Variants in TMEM132B observed in about 807,000 individuals in gnomAD.
TMEM132B encodes the protein transmembrane protein 132B.
In TMEM132B, 18 loss-of-function variants were observed where a neutral mutation model predicts 90.8. The ratio of observed to expected loss-of-function variants is 0.20; its 90% confidence interval spans 0.14 to 0.29. The LOEUF (loss-of-function observed/expected upper bound fraction) is 0.29. TMEM132B is among the 10% of genes least tolerant of loss of function. The pLI, the probability that TMEM132B is intolerant of heterozygous loss-of-function variation, is 1.00. For synonymous variants in TMEM132B, 504 were observed against 523.3 expected (o/e 0.96, Z 0.50); for missense variants, 1,096 against 1,326.8 (o/e 0.83, Z 2.70).
chr12:125,608,580 C>G (rs553444807), intron 5 of TMEM132B, among the ~76,000 whole-genome samples: 1 of 152,230 alleles, frequency 6.6e-6, no homozygotes, highest in South Asian at 2.1e-4. Flanking sequence ...TTGATCAAGT[C>G]TAAATGTAAC....
chr12:125,386,674 G>A (rs1878845622), intron 2 of TMEM132B, among the ~76,000 whole-genome samples: 2 of 152,232 alleles, frequency 1.3e-5, no homozygotes. Flanking sequence ...GCCGTGGGGA[G>A]CTAGAGAGGG....
chr12:125,358,508 GT>G (rs891948839), intron 2 of TMEM132B, among the ~76,000 whole-genome samples: 1 of 151,938 alleles, frequency 6.6e-6, no homozygotes, highest in Non-Finnish European at 1.5e-5. Flanking sequence ...CCTTCATTCT[GT>G]TTTTTTACAC....
At chr12:125,280,367 A>C (rs1875123711) in intron 1 of TMEM132B, among the ~76,000 whole-genome samples, 2 of 152,396 alleles carry the variant, frequency 1.3e-5, no homozygotes, top group South Asian at 4.1e-4. Flanking sequence ...GACAATTAAA[A>C]AAATAAAAAG....
intron 4 of TMEM132B, among the ~76,000 whole-genome samples, chr12:125,554,427 TAAAAAAAAAAA>T (rs71447048): frequency 0.032 from 2,238 of 69,520 alleles, 96 homozygotes; most frequent in African/African-American, 0.11. Flanking sequence ...TCCATTTCAT[TAAAAAAAAAAA>T]AAAAAAAAAA....
chr12:125,271,091 T>A (rs1874826862), intron 1 of TMEM132B, among the ~76,000 whole-genome samples: 1 of 152,078 alleles, frequency 6.6e-6, no homozygotes, highest in Non-Finnish European at 1.5e-5. Context: ...TCTGGGACTA[T>A]AGGTGTGCAC....
chr12:125,475,625 C>T (rs1881855615), intron 3 of TMEM132B, among the ~76,000 whole-genome samples: 1 of 152,186 alleles, frequency 6.6e-6, no homozygotes, highest in Non-Finnish European at 1.5e-5. Context: ...GTTTCCTGCC[C>T]TTGAACATCG....
rs770603983 is a variant in TMEM132B at position 125,498,093 on chromosome 12, C to T, written c.1107-21346C>T. Among the ~76,000 whole-genome samples, 13 of 152,226 alleles carry T rather than the reference C, an allele frequency of 8.5e-5. No homozygotes were observed. Among genetic ancestry groups the T allele is most frequent in the East Asian group, 1.9e-4 (1 of 5,198 alleles). The stretch of plus-strand genomic sequence containing the variant: ...AAATGATCAGTCCAGACCTGACACA[C>T]GCTGCTTTATTTACCACTCACTGGC... On this transcript the variant is annotated intron_variant, in intron 3 of 8. Transcript: ENST00000682704. The surrounding 1 kb of genome is among the most constrained non-coding windows in gnomAD (Gnocchi z 4.5).
chr12:125,230,330 G>A (rs1182369011), intron 1 of TMEM132B, among the ~76,000 whole-genome samples: 2 of 152,132 alleles, frequency 1.3e-5, no homozygotes, highest in African/African-American at 4.8e-5. Context: ...TGTGTGAAGC[G>A]GTGGAGCAAT....
At chr12:125,334,994 C>T (rs1876913081) in intron 1 of TMEM132B, among the ~76,000 whole-genome samples, 1 of 152,202 alleles carries the variant, frequency 6.6e-6, no homozygotes, top group Admixed American at 6.5e-5. Flanking sequence ...TTGTCCCTGC[C>T]CGCTGAGATC....
At chr12:125,576,536 T>C (rs1200403750) in intron 4 of TMEM132B, among the ~76,000 whole-genome samples, 2 of 150,622 alleles carry the variant, frequency 1.3e-5, no homozygotes, top group Admixed American at 1.3e-4. Flanking sequence ...AGAGTCATCT[T>C]TGTCTCGTTC....
intron 3 of TMEM132B, among the ~76,000 whole-genome samples, chr12:125,503,797 T>G (rs1882758788): frequency 6.6e-6 from 1 of 152,244 alleles, no homozygotes; most frequent in Non-Finnish European, 1.5e-5. Flanking sequence ...CACTTGCTCC[T>G]CAGGCCCAAA....
intron 2 of TMEM132B, among the ~76,000 whole-genome samples, chr12:125,397,218 G>A (rs563773589): frequency 2.2e-4 from 34 of 152,136 alleles, no homozygotes; most frequent in East Asian, 9.6e-4. Context: ...TGATCCTCCC[G>A]CCTCAGCCTC....
intron 4 of TMEM132B, among the ~76,000 whole-genome samples, chr12:125,541,816 G>A (rs922653666): frequency 7.9e-5 from 12 of 151,326 alleles, no homozygotes; most frequent in African/African-American, 1.5e-4. Context: ...TCAGGAGATC[G>A]AGACCATCCT....
rs936951467 is a variant in TMEM132B at position 125,445,953 on chromosome 12, G to C, written c.1106+30276G>C. 6.6e-6 allele frequency among the ~76,000 whole-genome samples: 1 copy of C among 151,984 alleles called. No individual in the cohort carries two copies. The highest frequency in any genetic ancestry group is 1.5e-5 in the Non-Finnish European group (1 of 67,996). On this transcript the variant is annotated intron_variant, in intron 3 of 8. Transcript: ENST00000682704. This position sits in a 1 kb window ranked among gnomAD's most constrained non-coding sequence, Gnocchi z 4.3. ...CCTCGCAGGGAGACAGCTCTGGGGT[G>C]GGCATCCCAGTGGAATTCTCTGCTA...
chr12:125,259,374 G>A (rs1187635580), intron 1 of TMEM132B, among the ~76,000 whole-genome samples: 2 of 152,164 alleles, frequency 1.3e-5, no homozygotes, highest in African/African-American at 4.8e-5. Context: ...AGCCACACAG[G>A]GCTGCCTGGC....
Position 125,656,411 on chromosome 12 carries a change from C to T in TMEM132B, c.*1701C>T, listed in dbSNP as rs1194831538. On this transcript the variant is annotated 3_prime_UTR_variant, in exon 9 of 9. Transcript: ENST00000682704. ...CTTGGGTGGGAACATGACAACCCCG[C>T]CTCCTCTAGCCATGACGTGGCAGCC... 6.6e-6 allele frequency: 1 copy of T among 152,204 alleles called. No homozygotes were observed. Among genetic ancestry groups the T allele is most frequent in the African/African-American group, 2.4e-5 (1 of 41,428 alleles). 9.4% of individuals were successfully genotyped at this position (152,204 alleles called of 1,614,324 possible).
intron 4 of TMEM132B, among the ~76,000 whole-genome samples, chr12:125,548,013 A>G (rs1884133022): frequency 6.6e-6 from 1 of 152,214 alleles, no homozygotes; most frequent in South Asian, 2.1e-4. Context: ...GAGCCCTTCA[A>G]GAATGAGAGT....
At chr12:125,266,453 G>A (rs759094182) in intron 1 of TMEM132B, among the ~76,000 whole-genome samples, 12 of 152,276 alleles carry the variant, frequency 7.9e-5, no homozygotes, top group Non-Finnish European at 1.8e-4. Context: ...TATTATAACT[G>A]AGCATAATTA....
intron 3 of TMEM132B, among the ~76,000 whole-genome samples, chr12:125,434,387 A>G (rs895766): frequency 0.33 from 50,265 of 152,082 alleles, 8,523 homozygotes; most frequent in East Asian, 0.45. Context: ...GGGGATTAGG[A>G]CGTGGCTGTC....
Sources: allele counts gnomAD v4.1 joint callset (sites outside exome capture counted in the v4.1 genomes callset), GRCh38; gene constraint gnomAD v4.1.1; non-coding constraint Gnocchi (gnomAD v3.1); transcripts MANE v1.5; gene names NCBI Gene and HGNC (gene_info 2026-07-23, HGNC 2026-07-21).